ABCA2: variants seen among roughly 807,000 people sequenced by gnomAD.
ABCA2 encodes the protein ATP-binding cassette sub-family A member 2.
Under a neutral mutation model 262.8 loss-of-function variants are expected in ABCA2, and 84 were observed. The ratio of observed to expected loss-of-function variants is 0.32; its 90% confidence interval spans 0.27 to 0.38. The LOEUF is 0.38. Ranked by LOEUF, ABCA2 falls within the 10% of genes least tolerant of loss-of-function variation. ABCA2 has a pLI of 1.00. For synonymous variants in ABCA2, 1,696 were observed against 1,502.9 expected, an observed-to-expected ratio of 1.13 and a Z score of -2.97; for missense variants, 2,662 against 3,405.9, an observed-to-expected ratio of 0.78 and a Z score of 5.44.
chr9:137,009,776 A>G lies in ABCA2; in HGVS notation c.6623T>C (p.Ile2208Thr). Reference sequence around the variant, plus strand: ...CACCCACCCAGGACTTACCAGGAAGATGAAGGCTGGGTACCCAATGAGGGC... The same window carrying G: ...CACCCACCCAGGACTTACCAGGAAGGTGAAGGCTGGGTACCCAATGAGGGC... ...AIALIGYPAF[I>T]FLDEPTTGMD... is the part of the protein sequence containing the mutation. The change falls in exon 43 of 49, where the codon ATC becomes ACC. Residue 2208 changes from isoleucine (I) to threonine (T), a missense_variant. Coordinates refer to ENST00000341511, the MANE Select transcript of ABCA2 (RefSeq NM_001606.5). The G allele has an allele frequency of 6.2e-7, 1 of 1,611,100 alleles. No individual in the cohort carries two copies. Among genetic ancestry groups the G allele is most frequent in the Non-Finnish European group, 8.5e-7 (1 of 1,178,870 alleles).
intron 6 of ABCA2, among the ~76,000 whole-genome samples, 161 bp from the exon 7 acceptor site, chr9:137,022,162 A>AGGTGT (rs1409720535): frequency 4.6e-5 from 1 of 21,672 alleles, no homozygotes; most frequent in Admixed American, 7.1e-4. Flanking sequence ...GCTCCGATGT[A>AGGTGT]GGTGTGGGGG....
intron 22 of ABCA2, 29 bp downstream of exon 22, chr9:137,015,933 C>CT: frequency 4.7e-6 from 7 of 1,500,292 alleles, no homozygotes; most frequent in Middle Eastern, 2.2e-4. Context: ...CTCCGCCCAC[C>CT]TGCCCCGCCC....
In ABCA2 at chr9:137,021,488, A is replaced by G. The variant is rs80138802; in HGVS notation, c.801T>C (p.Ala267=). ...GCGCAGCAGCCTGCCCACTGCAGAC[A>G]GCATCCCGGTAGCCCTGCAGGGCTC... ...QKGALQGYRD[A]VCSGQAAARA... Residue 267 remains alanine (A), a synonymous_variant, in exon 8 of 49, where the codon GCT becomes GCC. Transcript: ENST00000341511. This position sits in a 1 kb window ranked among gnomAD's most constrained non-coding sequence, Gnocchi z 6.0. 9.3e-6 allele frequency: 15 copies of G among 1,611,222 alleles called. No individual in the cohort carries two copies. The East Asian group carries it at 2.5e-4, about 26-fold the overall frequency.
chr9:137,018,624 G>A lies in ABCA2; in HGVS notation c.1819+95C>T, dbSNP rs1407105018. ...GGTGAGGGGGGAAGGCCAGGGCGCG[G>A]CCAAGGAGTGGGAGGGCACAGGGGG... On this transcript the variant is annotated intron_variant, in intron 13 of 48. Coordinates refer to ENST00000341511, the MANE Select transcript of ABCA2 (RefSeq NM_001606.5). 14 of 1,066,544 alleles carry A rather than the reference G, an allele frequency of 1.3e-5. No individual in the cohort carries two copies. In the African/African-American group the frequency reaches 2.6e-4, roughly 20 times the overall value. 66.1% of individuals were successfully genotyped at this position (1,066,544 alleles called of 1,614,324 possible). A position where few individuals can be genotyped will look rare whatever the true frequency, so the allele number is the denominator to read the frequency against.
chr9:137,010,482 C>T, intron 40 of ABCA2, 111 bp from the exon 41 acceptor site: 1 of 1,459,002 alleles, frequency 6.9e-7, no homozygotes, highest in Non-Finnish European at 9.3e-7. Context: ...CCACGTGCCC[C>T]ACAGCCCCAC....
rs202177145 is a variant in ABCA2, at chr9:137,011,617, C to G, written c.5651+17G>C. ...CCGGTCCCACCTGAGGCCGCTCCCC[C>G]CTCCGCTTCCGCTTACCCATAGAGC... On this transcript the variant is annotated intron_variant, in intron 36 of 48. Transcript: ENST00000341511. The surrounding 1 kb of genome is among the most constrained non-coding windows in gnomAD (Gnocchi z 8.8). 5.7e-4 allele frequency: 889 copies of G among 1,552,830 alleles called. No individual in the cohort carries two copies. Among genetic ancestry groups the G allele is most frequent in the South Asian group, 4.0e-3 (335 of 84,332 alleles).
At chr9:137,013,584 G>T in intron 28 of ABCA2, 21 bp from the exon 29 acceptor site, 1 of 1,592,316 alleles carries the variant, frequency 6.3e-7, no homozygotes, top group Non-Finnish European at 8.5e-7. Flanking sequence ...GAGCAGGGAG[G>T]CCTGAGCAGG....
chr9:137,010,166 C>G (rs780591577), intron 41 of ABCA2, 27 bp downstream of exon 41: 1 of 1,594,048 alleles, frequency 6.3e-7, no homozygotes, highest in Admixed American at 1.7e-5. Context: ...ACGCGGCGGC[C>G]CCGCCCACCC....
rs967247891 is a variant in ABCA2 at position 137,010,018 on chromosome 9, G to T, written c.6460C>A (p.Arg2154=). The T allele has an allele frequency of 1.6e-5, 25 of 1,599,210 alleles. No homozygotes were observed. The highest frequency in any genetic ancestry group is 2.1e-5 in the Non-Finnish European group (25 of 1,174,696). ...TAREHLQLYT[R]LRGISWKDEA... is the part of the protein sequence containing the mutation. ...TCCTTCCAGGAGATCCCACGCAGCCGCGTGTACAGCTGCAGGTGCTCCCGG... is the reference window on the plus strand; with the variant it reads ...TCCTTCCAGGAGATCCCACGCAGCCTCGTGTACAGCTGCAGGTGCTCCCGG... The change falls in exon 42 of 49, where the codon CGG becomes AGG. Residue 2154 remains arginine (R), a synonymous_variant. Coordinates refer to ENST00000341511, the MANE Select transcript of ABCA2 (RefSeq NM_001606.5).
upstream of ABCA2, chr9:137,028,679 C>T (rs1214712391): frequency 2.5e-6 from 3 of 1,196,764 alleles, no homozygotes; most frequent in South Asian, 3.3e-5. The surrounding 1 kb of genome is among the most constrained non-coding windows in gnomAD (Gnocchi z 6.9). Flanking sequence ...CTCCTGTGTG[C>T]TTTGTAAACC....
rs143473036 is a variant in ABCA2, at chr9:137,020,766, G to T, written c.1193C>A (p.Thr398Lys). 4,107 of 1,596,662 alleles carry T rather than the reference G, an allele frequency of 2.6e-3. 10 individuals carry two copies. The highest frequency in any genetic ancestry group is 3.2e-3 in the Non-Finnish European group (3,736 of 1,174,874). Residue 398 changes from threonine to lysine, a missense_variant, in exon 9 of 49, where the codon ACG becomes AAG. Thr to Lys is a moderately conservative substitution (Grantham distance 78). Coordinates refer to ENST00000341511, the MANE Select transcript of ABCA2 (RefSeq NM_001606.5). ...GAAGGCTGAGCACTGGCCCTGCAGC[G>T]TGTCCGGGGTGGCCAGTGCTGCAGC... The part of the protein sequence containing the change: ...PSAAALATPD[T>K]LQGQCSAFVQ...
At chr9:137,008,708 C>T (rs370668066) in intron 47 of ABCA2, 23 bp downstream of exon 47, 44 of 1,568,252 alleles carry the variant, frequency 2.8e-5, no homozygotes, top group Admixed American at 5.7e-5. Context: ...AGGTGTGGTG[C>T]GCAGTGCCCT....
At position 137,011,922 on chromosome 9, in the gene ABCA2, G is replaced by A; in HGVS notation, c.5457C>T (p.Ser1819=). Residue 1819 remains serine, a synonymous_variant, in exon 35 of 49, where the codon TCC becomes TCT. Transcript: ENST00000341511. The surrounding 1 kb of genome is among the most constrained non-coding windows in gnomAD (Gnocchi z 8.8). Reference sequence around the variant, plus strand: ...CAAACTGCAGGTGCTTGGCCTTGGTGGACTTCTCGGCCACGAGGAAGACAA... The same window carrying A: ...CAAACTGCAGGTGCTTGGCCTTGGTAGACTTCTCGGCCACGAGGAAGACAA... ...SFVVFLVAEK[S]TKAKHLQFVS... is the part of the protein sequence containing the mutation. 1 of 1,612,632 alleles carries A rather than the reference G, an allele frequency of 6.2e-7. No homozygotes were observed. The highest frequency in any genetic ancestry group is 2.2e-5 in the East Asian group (1 of 44,868).
intron 10 of ABCA2, chr9:137,020,008 A>C: frequency 3.3e-6 from 1 of 303,580 alleles, no homozygotes. Flanking sequence ...CCCAGAACCC[A>C]AACTGCCCAG....
At position 137,018,749 on chromosome 9, in the gene ABCA2, C is replaced by T. The variant is rs1310315285; in HGVS notation, c.1789G>A (p.Ala597Thr). The change falls in exon 13 of 49, where the codon GCC becomes ACC. Residue 597 changes from alanine to threonine, a missense_variant. Around this residue, in one of 12 missense-constraint regions of ABCA2, gnomAD observed 187 missense variants for 205.9 expected, o/e 0.91. Transcript: ENST00000341511. ...ESIVNYTLNQ[A>T]YQDNVTVFAS... ...AAAACAGTGACGTTGTCCTGGTAGG[C>T]CTGGTTGAGGGTGTAGTTGACAATG... 3.7e-6 allele frequency: 6 copies of T among 1,611,850 alleles called. No homozygotes were observed. Among genetic ancestry groups the T allele is most frequent in the Admixed American group, 3.3e-5 (2 of 59,944 alleles).
At position 137,021,546 on chromosome 9, in the gene ABCA2, C is replaced by T; in HGVS notation, c.743G>A (p.Gly248Asp). ...LTCTPGSGEL[G>D]RILTVPESQK... ...ACTCTCAGGCACAGTGAGGATCCGG[C>T]CCAGCTCCCCCGAGCCCGGCGTGCA... Residue 248 changes from glycine to aspartate, a missense_variant, in exon 8 of 49, where the codon GGC becomes GAC. Physicochemically the swap from Gly to Asp is moderately conservative, Grantham distance 94. Around this residue, in one of 12 missense-constraint regions of ABCA2, gnomAD observed 403 missense variants for 375.9 expected, o/e 1.07. Transcript: ENST00000341511. This position sits in a 1 kb window ranked among gnomAD's most constrained non-coding sequence, Gnocchi z 6.0. 6.3e-7 allele frequency: 1 copy of T among 1,590,252 alleles called. No homozygotes were observed.
rs1312124139 is a variant in ABCA2 at position 137,017,901 on chromosome 9, G to A, written c.2097C>T (p.Asp699=). The change falls in exon 16 of 49, where the codon GAC becomes GAT. Residue 699 remains aspartate (D), a splice_region_variant and synonymous_variant. Coordinates refer to ENST00000341511, the MANE Select transcript of ABCA2 (RefSeq NM_001606.5). ...MFPYPCYTRD[D]FLFVIEHMMP... The stretch of plus-strand genomic sequence containing the variant: ...TCATGTGCTCAATGACAAACAGGAA[G>A]CTGCGGGGAGGCCGCGCTCAGGCGC... 6.2e-7 allele frequency: 1 copy of A among 1,612,528 alleles called. No homozygotes were observed. The highest frequency in any genetic ancestry group is 8.5e-7 in the Non-Finnish European group (1 of 1,179,838).
Position 137,028,219 on chromosome 9 carries a change from C to T in ABCA2, c.-79G>A. 1 of 978,946 alleles carries T rather than the reference C, an allele frequency of 1.0e-6. No homozygotes were observed. Among genetic ancestry groups the T allele is most frequent in the Non-Finnish European group, 1.2e-6 (1 of 827,188 alleles). The allele number at this position is 978,946 out of a possible 1,614,324, so 60.6% of individuals were successfully genotyped here. On this transcript the variant is annotated 5_prime_UTR_variant, in exon 1 of 49. Coordinates refer to ENST00000341511, the MANE Select transcript of ABCA2 (RefSeq NM_001606.5). The surrounding 1 kb of genome is among the most constrained non-coding windows in gnomAD (Gnocchi z 6.9). The stretch of plus-strand genomic sequence containing the variant: ...CGCCGGGCCCCGCAGCCCGCCGCGC[C>T]GCTGGGCATCGCCCGCGCGGGGGCG...
chr9:137,015,094 G>A lies in ABCA2; in HGVS notation c.3701C>T (p.Pro1234Leu), dbSNP rs778449912. Residue 1234 changes from proline to leucine, a missense_variant, in exon 25 of 49, where the codon CCA (proline) becomes CTA (leucine). This residue lies in a region of ABCA2 where 297 missense variants were observed against 286.5 expected (regional missense o/e 1.04). Coordinates refer to ENST00000341511, the MANE Select transcript of ABCA2 (RefSeq NM_001606.5). ...RPAEPGGPQE[P>L]GLASSPPGRA... ...ACCTGGGGGGCTGGATGCCAGCCCT[G>A]GCTCTGTGGGGGACGTGGGAGCAGG... 6.3e-7 allele frequency: 1 copy of A among 1,581,594 alleles called. No homozygotes were observed. The highest frequency in any genetic ancestry group is 8.6e-7 in the Non-Finnish European group (1 of 1,166,330).
Sources: gnomAD v4.1 joint callset for allele counts (sites outside exome capture counted in the v4.1 genomes callset) on GRCh38, gnomAD v4.1.1 for gene constraint, gnomAD v4.1.1 regional missense constraint, Gnocchi (gnomAD v3.1) non-coding constraint, MANE v1.5 for transcripts, NCBI Gene and HGNC (gene_info 2026-07-23, HGNC 2026-07-21) for gene names.